Variants in IFT43 observed in about 807,000 individuals in gnomAD.
The protein encoded by IFT43 is intraflagellar transport 43.
Under a neutral mutation model 32.3 loss-of-function variants are expected in IFT43, and 33 were observed. The ratio of observed to expected loss-of-function variants is 1.02; its 90% CI spans 0.77 to 1.37. The LOEUF (loss-of-function observed/expected upper bound fraction) is 1.37, where lower values mean the gene tolerates loss of function less well. Ranked by LOEUF, IFT43 falls within the 40% of genes most tolerant of loss-of-function variation. IFT43 has a pLI of 0.00. For synonymous variants in IFT43, 93 were observed against 98.2 expected (o/e 0.95, Z 0.31); for missense variants, 274 against 265.9 (o/e 1.03, Z -0.21).
intron 5 of IFT43, among the ~76,000 whole-genome samples, chr14:76,081,461 A>G (rs1197311782): frequency 6.6e-6 from 1 of 152,160 alleles, no homozygotes; most frequent in East Asian, 1.9e-4. Context: ...ACTCACTTGG[A>G]GAAGGAAATG....
chr14:76,062,103 C>T (rs1197615635), intron 5 of IFT43, among the ~76,000 whole-genome samples: 1 of 150,900 alleles, frequency 6.6e-6, no homozygotes, highest in Admixed American at 6.6e-5. Flanking sequence ...CAGAGTCTCA[C>T]TCTGTTTCCT....
chr14:75,999,282 T>TATATATA (rs1491301918), intron 2 of IFT43, among the ~76,000 whole-genome samples: 5 of 26,524 alleles, frequency 1.9e-4, no homozygotes, highest in African/African-American at 7.9e-4. Context: ...TGTATATATA[T>TATATATA]TTTTTTTTTT....
intron 2 of IFT43, among the ~76,000 whole-genome samples, chr14:76,010,471 C>T (rs1014391768): frequency 1.3e-5 from 2 of 151,928 alleles, no homozygotes; most frequent in Non-Finnish European, 2.9e-5. Context: ...ATGAGAAACA[C>T]CCAGAAAAGT....
chr14:75,986,031 T>C (rs2035517400), intron 1 of IFT43, 191 bp downstream of exon 1: 2 of 1,524,562 alleles, frequency 1.3e-6, no homozygotes, highest in Non-Finnish European at 1.8e-6. Context: ...GGCCTGGGGT[T>C]TGCTTTCTTT....
chr14:76,006,927 G>C (rs1453459630), intron 2 of IFT43, among the ~76,000 whole-genome samples: 1 of 145,314 alleles, frequency 6.9e-6, no homozygotes, highest in African/African-American at 2.5e-5. Flanking sequence ...GTGGGATCAT[G>C]GCCCACTGGA....
At chr14:76,079,743 TAA>T (rs1285896461) in intron 5 of IFT43, among the ~76,000 whole-genome samples, 6 of 152,252 alleles carry the variant, frequency 3.9e-5, no homozygotes. Context: ...TTGTCTCTGT[TAA>T]AATCGTGTGC....
At chr14:76,037,874 T>C (rs2036631380) in intron 3 of IFT43, among the ~76,000 whole-genome samples, 1 of 152,114 alleles carries the variant, frequency 6.6e-6, no homozygotes, top group African/African-American at 2.4e-5. Context: ...AATGAGTAAA[T>C]TTGGGGCATT....
At chr14:76,015,276 T>A (rs2036164976) in intron 2 of IFT43, among the ~76,000 whole-genome samples, 1 of 152,170 alleles carries the variant, frequency 6.6e-6, no homozygotes, top group African/African-American at 2.4e-5. Context: ...GTAAGGACTT[T>A]CCCTCAGGAG....
chr14:76,068,201 G>C (rs563347933), intron 5 of IFT43, among the ~76,000 whole-genome samples: 1 of 152,240 alleles, frequency 6.6e-6, no homozygotes, highest in Non-Finnish European at 1.5e-5. Flanking sequence ...GGAAGAGCAT[G>C]TGCTGGGTCC....
Position 76,082,382 on chromosome 14 carries a change from A to T in IFT43, c.368+15A>T. 6.6e-7 allele frequency: 1 copy of T among 1,520,162 alleles called. No homozygotes were observed. The highest frequency in any genetic ancestry group is 9.1e-7 in the Non-Finnish European group (1 of 1,094,130). The allele number at this position is 1,520,162 out of a possible 1,614,324, so 94.2% of individuals were successfully genotyped here. A position where few individuals can be genotyped will look rare whatever the true frequency, so the allele number is the denominator to read the frequency against. The stretch of plus-strand genomic sequence containing the variant: ...GCCCCTCCCAGGTAGGTTAAATCAG[A>T]TATGATTGGGGAGGCAAAGAACACG... On this transcript the variant is annotated intron_variant, in intron 6 of 8. Transcript: ENST00000314067.
intron 2 of IFT43, among the ~76,000 whole-genome samples, chr14:76,019,285 A>G (rs968289095): frequency 3.9e-5 from 6 of 152,018 alleles, no homozygotes; most frequent in Non-Finnish European, 7.4e-5. Flanking sequence ...GTCAGTGGTG[A>G]TGAATTCCCT....
intron 5 of IFT43, among the ~76,000 whole-genome samples, chr14:76,071,878 G>C (rs2037327778): frequency 6.6e-6 from 1 of 151,988 alleles, no homozygotes; most frequent in Admixed American, 6.5e-5. Flanking sequence ...AAATGGTGGT[G>C]CTGGGACTCA....
chr14:75,995,544 C>G (rs2035727678), intron 2 of IFT43, among the ~76,000 whole-genome samples: 1 of 152,154 alleles, frequency 6.6e-6, no homozygotes, highest in Admixed American at 6.5e-5. Flanking sequence ...AGGCCAATTT[C>G]CTCATCCCCC....
At chr14:76,063,786 T>A (rs866860037) in intron 5 of IFT43, among the ~76,000 whole-genome samples, 2 of 152,220 alleles carry the variant, frequency 1.3e-5, no homozygotes, top group Non-Finnish European at 2.9e-5. Context: ...TAGATAATTC[T>A]CTGATAATCA....
intron 3 of IFT43, among the ~76,000 whole-genome samples, chr14:76,052,882 T>C (rs905993937): frequency 6.6e-6 from 1 of 152,188 alleles, no homozygotes; most frequent in African/African-American, 2.4e-5. Flanking sequence ...TACTATAAGT[T>C]GAAAAGTTGT....
chr14:75,985,925 A>ACT, intron 1 of IFT43, 85 bp downstream of exon 1: 1 of 1,568,338 alleles, frequency 6.4e-7, no homozygotes, highest in Non-Finnish European at 8.6e-7. Flanking sequence ...CTCTGAGGCG[A>ACT]CTCAGGGCGG....
At chr14:75,998,825 T>G (rs1297667252) in intron 2 of IFT43, among the ~76,000 whole-genome samples, 1 of 152,212 alleles carries the variant, frequency 6.6e-6, no homozygotes, top group African/African-American at 2.4e-5. Context: ...ACATGTACTC[T>G]GGGGCTCAAG....
At chr14:76,029,688 A>G (rs1011640502) in intron 3 of IFT43, among the ~76,000 whole-genome samples, 1 of 151,990 alleles carries the variant, frequency 6.6e-6, no homozygotes, top group Non-Finnish European at 1.5e-5. Context: ...ATGGTTAGCT[A>G]GTTTTCCCAG....
chr14:76,011,852 C>T (rs781151145), intron 2 of IFT43, among the ~76,000 whole-genome samples: 1 of 152,172 alleles, frequency 6.6e-6, no homozygotes, highest in African/African-American at 2.4e-5. Flanking sequence ...AGAGTTGGAA[C>T]TGTGCGTGGA....
Sources: allele counts gnomAD v4.1 joint callset (sites outside exome capture counted in the v4.1 genomes callset), GRCh38; gene constraint gnomAD v4.1.1; transcripts MANE v1.5; gene names NCBI Gene and HGNC (gene_info 2026-07-23, HGNC 2026-07-21).